The following DCDC2C variants were observed in gnomAD, a reference collection of about 807,000 sequenced individuals.
The protein encoded by DCDC2C is doublecortin domain-containing protein 2C.
In DCDC2C, 44 loss-of-function variants were observed where a neutral mutation model predicts 45.0. The observed-to-expected ratio is 0.98, with a 90% CI of 0.77 to 1.26. The LOEUF (loss-of-function observed/expected upper bound fraction) is 1.26. Among genes scored for constraint, DCDC2C ranks in the 50% most tolerant of loss-of-function variants. The probability of loss-of-function intolerance (pLI) is 0.00; values close to 1 mark genes in which losing one functional copy is unlikely to be tolerated. For synonymous variants in DCDC2C, 187 were observed against 178.8 expected (o/e 1.05, Z -0.37); for missense variants, 447 against 468.9 (o/e 0.95, Z 0.43).
At chr2:3,781,684 AC>A (rs905990845) in intron 9 of DCDC2C, among the ~76,000 whole-genome samples, 4 of 152,100 alleles carry the variant, frequency 2.6e-5, no homozygotes, top group African/African-American at 9.7e-5. Flanking sequence ...ACATAGTGAG[AC>A]CCTGTTTCTA....
At chr2:3,783,201 T>A (rs1670561478) in intron 9 of DCDC2C, among the ~76,000 whole-genome samples, 1 of 152,180 alleles carries the variant, frequency 6.6e-6, no homozygotes, top group Non-Finnish European at 1.5e-5. Flanking sequence ...ATGGGTAATT[T>A]TGTGTATTCA....
At chr2:3,845,089 G>T in intron 10 of DCDC2C, among the ~76,000 whole-genome samples, 1 of 152,154 alleles carries the variant, frequency 6.6e-6, no homozygotes, top group East Asian at 1.9e-4. Context: ...TGGTGGCTAA[G>T]CGAATGGACT....
At chr2:3,706,306 A>G (rs777060595) in intron 1 of DCDC2C, among the ~76,000 whole-genome samples, 37 of 152,256 alleles carry the variant, frequency 2.4e-4, no homozygotes, top group Non-Finnish European at 5.1e-4. Flanking sequence ...AAAGACAAAC[A>G]CCAACAAATC....
At chr2:3,821,639 T>C (rs191480942) in intron 10 of DCDC2C, among the ~76,000 whole-genome samples, 3 of 152,354 alleles carry the variant, frequency 2.0e-5, no homozygotes, top group Admixed American at 2.0e-4. Context: ...AGATAACATG[T>C]GGTTTTCTTT....
At chr2:3,781,733 A>C (rs1189614501) in intron 9 of DCDC2C, among the ~76,000 whole-genome samples, 1 of 152,116 alleles carries the variant, frequency 6.6e-6, no homozygotes, top group Non-Finnish European at 1.5e-5. Context: ...AGCCAGGTGC[A>C]GTGGTGTGCA....
chr2:3,818,937 T>C lies in DCDC2C; in HGVS notation c.1066-28217T>C, dbSNP rs2313466. 0.6 allele frequency among the ~76,000 whole-genome samples: 90,938 copies of C among 152,014 alleles called. 27,793 individuals carry two copies. Among genetic ancestry groups the C allele is most frequent in the East Asian group, 0.73 (3,764 of 5,152 alleles). The stretch of plus-strand genomic sequence containing the variant: ...AAAGGAGTGCATAAAAGAATATTGT[T>C]TACGTTGGCACCAGAGTTGTGGAGT... On this transcript the variant is annotated intron_variant, in intron 10 of 10. Transcript: ENST00000399143. This position sits in a 1 kb window ranked among gnomAD's most constrained non-coding sequence, Gnocchi z 4.7.
In DCDC2C at chr2:3,769,144, G is replaced by A. The variant is rs145301624; in HGVS notation, c.854-167G>A. ...CTTGGCAGATGCAAACAGGAAGGGC[G>A]AGAGGGAAACGGGGTGAGGCGGACG... On this transcript the variant is annotated intron_variant, in intron 7 of 10. Coordinates refer to ENST00000399143, the MANE Select transcript of DCDC2C (RefSeq NM_001287444.2). 1.4e-4 allele frequency: 87 copies of A among 603,314 alleles called. No homozygotes were observed. In the South Asian group the frequency reaches 1.5e-3, roughly 10 times the overall value. The allele number at this position is 603,314 out of a possible 1,614,324, so 37.4% of individuals were successfully genotyped here.
chr2:3,816,882 G>A (rs1328268485), intron 10 of DCDC2C, among the ~76,000 whole-genome samples: 1 of 152,190 alleles, frequency 6.6e-6, no homozygotes, highest in Non-Finnish European at 1.5e-5. Context: ...ACTGAGAAGT[G>A]ATTTCCTTGA....
intron 10 of DCDC2C, among the ~76,000 whole-genome samples, chr2:3,821,419 A>T (rs1470562942): frequency 6.6e-6 from 1 of 152,140 alleles, no homozygotes; most frequent in African/African-American, 2.4e-5. Flanking sequence ...ATCTCCTGTG[A>T]GATGCTGAGT....
In DCDC2C at chr2:3,846,981, G is replaced by T. The variant is rs530746736; in HGVS notation, c.1066-173G>T. On this transcript the variant is annotated intron_variant, in intron 10 of 10. Coordinates refer to ENST00000399143, the MANE Select transcript of DCDC2C (RefSeq NM_001287444.2). ...GCGGCATGTTGCCGTTGGGTGTGCC[G>T]TGAGGAGCTGTGTGTGCTGCAGGTC... 2.0e-5 allele frequency among the ~76,000 whole-genome samples: 3 copies of T among 152,292 alleles called. No individual in the cohort carries two copies. The South Asian group carries it at 6.2e-4, about 32-fold the overall frequency.
intron 2 of DCDC2C, among the ~76,000 whole-genome samples, chr2:3,718,575 C>G (rs1668408018): frequency 1.3e-5 from 2 of 152,180 alleles, no homozygotes; most frequent in African/African-American, 2.4e-5. Context: ...GGCTGATGCT[C>G]TCTGAGAAAG....
intron 10 of DCDC2C, among the ~76,000 whole-genome samples, chr2:3,834,586 C>A (rs574526968): frequency 6.6e-6 from 1 of 152,188 alleles, no homozygotes; most frequent in African/African-American, 2.4e-5. Flanking sequence ...AGGTCACTTG[C>A]ATTGCACATG....
chr2:3,729,122 A>C (rs1253916886), intron 3 of DCDC2C, among the ~76,000 whole-genome samples: 1 of 152,218 alleles, frequency 6.6e-6, no homozygotes, highest in East Asian at 1.9e-4. Context: ...GCCTTGGGAG[A>C]AAAAGCGTTT....
chr2:3,714,894 C>T (rs1455930389), intron 2 of DCDC2C, among the ~76,000 whole-genome samples: 3 of 152,144 alleles, frequency 2.0e-5, no homozygotes, highest in Admixed American at 2.0e-4. Flanking sequence ...GTCAGGAACA[C>T]ATTTGGAAGC....
rs185564659 is a variant in DCDC2C, at chr2:3,807,067, T to G, written c.1065+21967T>G. Among the ~76,000 whole-genome samples the G allele has an allele frequency of 3.6e-3, 494 of 139,040 alleles. 4 individuals are homozygous for G. Among genetic ancestry groups the G allele is most frequent in the Middle Eastern group, 7.0e-3 (2 of 286 alleles). 91.2% of individuals were successfully genotyped at this position (139,040 alleles called of 152,430 possible). On this transcript the variant is annotated intron_variant, in intron 10 of 10. Coordinates refer to ENST00000399143, the MANE Select transcript of DCDC2C (RefSeq NM_001287444.2). ...CAGAGTGTATTATCTTGGGACTTTT[T>G]TTTCTTCAGAAAGCTATTTTTTTTT... is the stretch of plus-strand genomic sequence containing the variant.
At chr2:3,756,609 G>A (rs559173914) in intron 6 of DCDC2C, among the ~76,000 whole-genome samples, 1 of 152,376 alleles carries the variant, frequency 6.6e-6, no homozygotes, top group South Asian at 2.1e-4. Flanking sequence ...CTAATGCAGC[G>A]TGGTGTTGTT....
chr2:3,764,785 G>T (rs1669972784), intron 6 of DCDC2C, among the ~76,000 whole-genome samples: 1 of 152,332 alleles, frequency 6.6e-6, no homozygotes, highest in African/African-American at 2.4e-5. Context: ...TGTTCCAGGT[G>T]AGAGGGGAGA....
intron 10 of DCDC2C, among the ~76,000 whole-genome samples, chr2:3,824,497 A>G (rs1480738223): frequency 6.6e-6 from 1 of 152,196 alleles, no homozygotes; most frequent in African/African-American, 2.4e-5. Context: ...ATGCCATGCA[A>G]TGTGCATACC....
intron 10 of DCDC2C, among the ~76,000 whole-genome samples, chr2:3,816,394 GATT>G (rs1423521592): frequency 2.0e-5 from 3 of 152,148 alleles, no homozygotes; most frequent in Non-Finnish European, 4.4e-5. Context: ...AGGCCAGATT[GATT>G]TAGGTAAAAA....
Sources: allele counts gnomAD v4.1 joint callset (sites outside exome capture counted in the v4.1 genomes callset), GRCh38; gene constraint gnomAD v4.1.1; non-coding constraint Gnocchi (gnomAD v3.1); transcripts MANE v1.5; gene names NCBI Gene and HGNC (gene_info 2026-07-23, HGNC 2026-07-21).